Variants in PIP4K2A observed in about 807,000 individuals in gnomAD.
The protein encoded by PIP4K2A is phosphatidylinositol-5-phosphate 4-kinase type 2 alpha.
A neutral mutation model predicts 42.9 loss-of-function variants in PIP4K2A; 14 were observed. The ratio of observed to expected loss-of-function variants is 0.33; its 90% CI spans 0.22 to 0.51. The LOEUF is 0.51. Among genes scored for constraint, PIP4K2A ranks in the 20% least tolerant of loss-of-function variants. The pLI, the probability that PIP4K2A is intolerant of heterozygous loss-of-function variation, is 0.97. For synonymous variants in PIP4K2A, 192 were observed against 192.2 expected, an observed-to-expected ratio of 1.00 and a Z score of 0.01; for missense variants, 434 against 519.8, an observed-to-expected ratio of 0.83 and a Z score of 1.61.
intron 1 of PIP4K2A, among the ~76,000 whole-genome samples, chr10:22,635,420 A>G (rs1417657123): frequency 6.6e-6 from 1 of 151,678 alleles, no homozygotes. Context: ...GTAAAAAAAT[A>G]ATGTCCATTT....
At chr10:22,648,940 T>C (rs1838939575) in intron 1 of PIP4K2A, among the ~76,000 whole-genome samples, 1 of 152,228 alleles carries the variant, frequency 6.6e-6, no homozygotes, top group Non-Finnish European at 1.5e-5. Flanking sequence ...AAGCACATTC[T>C]AGGACATCAG....
intron 1 of PIP4K2A, among the ~76,000 whole-genome samples, chr10:22,686,759 C>G (rs979868548): frequency 6.6e-6 from 1 of 152,128 alleles, no homozygotes; most frequent in African/African-American, 2.4e-5. Context: ...TGTGAGCCAC[C>G]GTGCCCAGCC....
chr10:22,606,673 A>C (rs1359368535), intron 3 of PIP4K2A, among the ~76,000 whole-genome samples: 1 of 152,248 alleles, frequency 6.6e-6, no homozygotes, highest in Non-Finnish European at 1.5e-5. Flanking sequence ...TCTTCAGAGG[A>C]AAATACAGGG....
rs571333718 is a variant in PIP4K2A, at chr10:22,579,765, C to T, written c.493-6308G>A. Among the ~76,000 whole-genome samples, 12 of 151,890 alleles carry T rather than the reference C, an allele frequency of 7.9e-5. No homozygotes were observed. In the South Asian group the frequency reaches 8.3e-4, roughly 11 times the overall value. ...CTCTACTAAACATATAAAAATCAGACGGGCATGGTGGCAGGTGCCTGTAGT... is the reference window on the plus strand; with the variant it reads ...CTCTACTAAACATATAAAAATCAGATGGGCATGGTGGCAGGTGCCTGTAGT... On this transcript the variant is annotated intron_variant, in intron 4 of 9. Coordinates refer to ENST00000376573, the MANE Select transcript of PIP4K2A (RefSeq NM_005028.5).
rs183855183 is a variant in PIP4K2A at position 22,625,550 on chromosome 10, A to T, written c.145-15833T>A. ...AGGGAGATGTTTTCAAAATACACCT[A>T]TCTTTATGCATCTATTACCCCAGGG... On this transcript the variant is annotated intron_variant, in intron 1 of 9. Transcript: ENST00000376573. 2.1e-4 allele frequency among the ~76,000 whole-genome samples: 32 copies of T among 152,304 alleles called. No individual in the cohort carries two copies. The East Asian group carries it at 5.8e-3, about 28-fold the overall frequency.
At chr10:22,540,930 G>A (rs1222049721) in intron 8 of PIP4K2A, among the ~76,000 whole-genome samples, 1 of 152,162 alleles carries the variant, frequency 6.6e-6, no homozygotes, top group African/African-American at 2.4e-5. Context: ...TTTCTGTGTT[G>A]AAGAAAACAT....
chr10:22,590,138 CA>C (rs2130819672), intron 4 of PIP4K2A, among the ~76,000 whole-genome samples: 1 of 152,292 alleles, frequency 6.6e-6, no homozygotes, highest in African/African-American at 2.4e-5. Context: ...GTCTGCAAAC[CA>C]GGAAGAACCT....
Position 22,541,888 on chromosome 10 carries a change from C to CGGGGCTATCT in PIP4K2A, c.942_951dup (p.Gly318ArgfsTer2). On this transcript the variant is annotated stop_gained and frameshift_variant, in exon 8 of 10. Transcript: ENST00000376573. LOFTEE classifies it high-confidence loss of function. Reference sequence around the variant, plus strand: ...GGTGGTGAGCTGTTCAGTGTATTCCCGGGGCTATCTGGGGGGGTTCCCACC... The same window carrying CGGGGCTATCT: ...GGTGGTGAGCTGTTCAGTGTATTCCCGGGGCTATCTGGGGCTATCTGGGGGGGTTCCCACC... The CGGGGCTATCT allele has an allele frequency of 6.2e-7, 1 of 1,613,144 alleles. No homozygotes were observed. The highest frequency in any genetic ancestry group is 8.5e-7 in the Non-Finnish European group (1 of 1,179,450).
At position 22,714,296 on chromosome 10, in the gene PIP4K2A, C is replaced by T; in HGVS notation, c.31G>A (p.Val11Ile). Reference protein sequence around the residue: MATPGNLGSSVLASKTKTKKK... With the variant: MATPGNLGSSILASKTKTKKK... ...TTGGTCTTGGTCTTGCTCGCCAGGA[C>T]AGAGGACCCTAGGTTGCCGGGGGTC... The change falls in exon 1 of 10, where the codon GTC becomes ATC. Residue 11 changes from valine (V) to isoleucine (I), a missense_variant. This residue lies in a region of PIP4K2A where 395 missense variants were observed against 444.5 expected (regional missense o/e 0.89). Coordinates refer to ENST00000376573, the MANE Select transcript of PIP4K2A (RefSeq NM_005028.5). The T allele has an allele frequency of 6.2e-7, 1 of 1,611,306 alleles. No homozygotes were observed. Among genetic ancestry groups the T allele is most frequent in the Non-Finnish European group, 8.5e-7 (1 of 1,178,596 alleles).
At chr10:22,657,471 G>C (rs1839125007) in intron 1 of PIP4K2A, among the ~76,000 whole-genome samples, 1 of 152,204 alleles carries the variant, frequency 6.6e-6, no homozygotes, top group Non-Finnish European at 1.5e-5. Context: ...TCAGTAACAA[G>C]TCTTCCTAGA....
chr10:22,607,630 G>A (rs1364975309), intron 3 of PIP4K2A, among the ~76,000 whole-genome samples: 1 of 152,084 alleles, frequency 6.6e-6, no homozygotes. Flanking sequence ...AGCTCTGCTA[G>A]CCTGTTAATT....
intron 6 of PIP4K2A, among the ~76,000 whole-genome samples, chr10:22,562,232 AAAACAAAC>A (rs138286437): frequency 2.0e-5 from 3 of 151,482 alleles, no homozygotes; most frequent in East Asian, 2.0e-4. Context: ...AAAAGTTAAA[AAAACAAAC>A]AAACAATGTT....
At chr10:22,644,054 C>G (rs1838832421) in intron 1 of PIP4K2A, among the ~76,000 whole-genome samples, 1 of 152,174 alleles carries the variant, frequency 6.6e-6, no homozygotes, top group Admixed American at 6.5e-5. Context: ...CCAGCTGGAT[C>G]TCTAACAAGC....
At chr10:22,693,835 C>G (rs1839919770) in intron 1 of PIP4K2A, 1 of 152,070 alleles carries the variant, frequency 6.6e-6, no homozygotes, top group African/African-American at 2.4e-5. Context: ...AAAATTACAA[C>G]TACCATCTGG....
chr10:22,555,017 T>C (rs1836500745), intron 6 of PIP4K2A, among the ~76,000 whole-genome samples: 1 of 152,226 alleles, frequency 6.6e-6, no homozygotes, highest in South Asian at 2.1e-4. Flanking sequence ...TCCGCTAATG[T>C]GACGTGTAAA....
intron 3 of PIP4K2A, among the ~76,000 whole-genome samples, chr10:22,607,255 T>A (rs1837925038): frequency 6.6e-6 from 1 of 152,192 alleles, no homozygotes; most frequent in African/African-American, 2.4e-5. Context: ...TCAACAGTTA[T>A]TTAAAGAGTT....
At chr10:22,643,733 T>C (rs1208118966) in intron 1 of PIP4K2A, among the ~76,000 whole-genome samples, 1 of 152,078 alleles carries the variant, frequency 6.6e-6, no homozygotes, top group Admixed American at 6.5e-5. Flanking sequence ...CCCTCAAGTA[T>C]TTTTTTCTTC....
intron 1 of PIP4K2A, among the ~76,000 whole-genome samples, chr10:22,711,244 G>A (rs1261121894): frequency 2.0e-5 from 3 of 152,164 alleles, no homozygotes; most frequent in Non-Finnish European, 4.4e-5. Flanking sequence ...CAATGGACTT[G>A]AACATTTTCA....
intron 1 of PIP4K2A, among the ~76,000 whole-genome samples, chr10:22,703,791 C>G (rs115448527): frequency 0.012 from 1,772 of 152,224 alleles, 46 homozygotes; most frequent in African/African-American, 0.041. Context: ...CCACAGTGTT[C>G]CTGAGAAAGA....
Sources: allele counts gnomAD v4.1 joint callset (sites outside exome capture counted in the v4.1 genomes callset), GRCh38; gene constraint gnomAD v4.1.1; regional missense constraint gnomAD v4.1.1; transcripts MANE v1.5; gene names NCBI Gene and HGNC (gene_info 2026-07-23, HGNC 2026-07-21).